VEGFD: variants seen among roughly 807,000 people sequenced by gnomAD.
VEGFD encodes the protein vascular endothelial growth factor D.
In VEGFD, 26 loss-of-function variants were observed where a neutral mutation model predicts 28.0. The observed-to-expected ratio is 0.93, with a 90% CI of 0.68 to 1.29. The LOEUF is 1.29. Ranked by LOEUF, VEGFD falls within the 50% of genes most tolerant of loss-of-function variation. VEGFD has a pLI of 0.00. For synonymous variants in VEGFD, 93 were observed against 95.5 expected (o/e 0.97, Z 0.15); for missense variants, 294 against 273.4 (o/e 1.08, Z -0.53).
intron 1 of VEGFD, among the ~76,000 whole-genome samples, chrX:15,379,197 C>T (rs1041802451): frequency 1.8e-5 from 2 of 112,030 alleles, no homozygotes; most frequent in African/African-American, 6.5e-5. Flanking sequence ...TGCCTCTACC[C>T]ATCACACTTG....
At chrX:15,373,578 T>C (rs752098662) in intron 1 of VEGFD, among the ~76,000 whole-genome samples, 8 of 111,321 alleles carry the variant, frequency 7.2e-5, no homozygotes, top group African/African-American at 2.6e-4. Context: ...AGCTTTAGGG[T>C]GAGTTATGGA....
At chrX:15,358,463 T>C (rs2147740195) in intron 2 of VEGFD, among the ~76,000 whole-genome samples, 1 of 112,090 alleles carries the variant, frequency 8.9e-6, no homozygotes, top group African/African-American at 3.2e-5. Context: ...CTGTACATAA[T>C]TACACTGAAT....
At chrX:15,378,679 A>G (rs535345968) in intron 1 of VEGFD, among the ~76,000 whole-genome samples, 6 of 111,948 alleles carry the variant, frequency 5.4e-5, no homozygotes, top group African/African-American at 1.9e-4. Flanking sequence ...CAGTGTAATA[A>G]TTTATATATA....
In VEGFD at chrX:15,346,294, A is replaced by G. The variant is rs747023800; in HGVS notation, c.939-35T>C. On this transcript the variant is annotated intron_variant, in intron 6 of 6. Transcript: ENST00000297904. ...AAGAAAATAAAGATGAGAATTCAGA[A>G]TCAATGACTGGATTCAAAAGAATAA... 3 of 1,184,001 alleles carry G rather than the reference A, an allele frequency of 2.5e-6. No individual in the cohort carries two copies. The African/African-American group carries it at 5.3e-5, about 21-fold the overall frequency.
chrX:15,381,059 G>A (rs1430996391), intron 1 of VEGFD, among the ~76,000 whole-genome samples: 1 of 112,244 alleles, frequency 8.9e-6, no homozygotes, highest in Non-Finnish European at 1.9e-5. Flanking sequence ...CAGCTAAATA[G>A]TATACACAGT....
chrX:15,346,032 A>G lies in VEGFD; in HGVS notation c.*101T>C. Reference sequence around the variant, plus strand: ...TGGATTCACTGTGGTGCTGTGTAAAATGGATTTTTTTTTTAACACCTGGGA... The same window carrying G: ...TGGATTCACTGTGGTGCTGTGTAAAGTGGATTTTTTTTTTAACACCTGGGA... On this transcript the variant is annotated 3_prime_UTR_variant, in exon 7 of 7. Transcript: ENST00000297904. 1 of 1,039,888 alleles carries G rather than the reference A, an allele frequency of 9.6e-7. No individual in the cohort carries two copies. The highest frequency in any genetic ancestry group is 1.3e-6 in the Non-Finnish European group (1 of 762,722). The allele number at this position is 1,039,888 out of a possible 1,213,427, so 85.7% of individuals were successfully genotyped here. A position where few individuals can be genotyped will look rare whatever the true frequency, so the allele number is the denominator to read the frequency against.
intron 1 of VEGFD, among the ~76,000 whole-genome samples, chrX:15,380,312 G>T (rs752876032): frequency 2.7e-5 from 3 of 112,540 alleles, no homozygotes; most frequent in South Asian, 7.5e-4. Flanking sequence ...TTGATTCACT[G>T]TAGAGACAAT....
At chrX:15,365,390 C>T (rs1309304137) in intron 1 of VEGFD, among the ~76,000 whole-genome samples, 1 of 112,080 alleles carries the variant, frequency 8.9e-6, no homozygotes, top group East Asian at 2.8e-4. Context: ...GCCTTGGCCG[C>T]CCAAAGTGTT....
At chrX:15,367,117 T>C (rs1923166719) in intron 1 of VEGFD, among the ~76,000 whole-genome samples, 1 of 109,308 alleles carries the variant, frequency 9.1e-6, no homozygotes, top group South Asian at 3.9e-4. Flanking sequence ...CCTAGAGGGG[T>C]TGTTTTGACA....
intron 2 of VEGFD, among the ~76,000 whole-genome samples, chrX:15,358,515 T>G (rs765731868): frequency 8.9e-6 from 1 of 111,880 alleles, no homozygotes; most frequent in South Asian, 3.7e-4. Flanking sequence ...AATAGAAGCG[T>G]GTAAAGAAAT....
chrX:15,370,720 T>G (rs1923285372), intron 1 of VEGFD, among the ~76,000 whole-genome samples: 1 of 112,027 alleles, frequency 8.9e-6, no homozygotes. Context: ...CTGGGGATCT[T>G]GTTAAAATGC....
At chrX:15,351,027 ATTTTTTTTTTTT>A (rs35997805) in intron 5 of VEGFD, among the ~76,000 whole-genome samples, 1,498 of 14,760 alleles carry the variant, frequency 0.1, 87 homozygotes, top group African/African-American at 0.26. Context: ...ATGCCCAGCT[ATTTTTTTTTTTT>A]TTTTTTTTTT....
chrX:15,368,158 GAAAGAAAGA>G (rs1178465045), intron 1 of VEGFD, among the ~76,000 whole-genome samples: 1 of 109,023 alleles, frequency 9.2e-6, no homozygotes, highest in East Asian at 2.9e-4. Context: ...GAAAGAGAAA[GAAAGAAAGA>G]AAAGAAAGGA....
rs1263174954 is a variant in VEGFD at position 15,353,101 on chromosome X, A to G, written c.709T>C (p.Leu237=). The G allele has an allele frequency of 1.7e-6, 2 of 1,188,030 alleles. No individual in the cohort carries two copies. Among genetic ancestry groups the G allele is most frequent in the Non-Finnish European group, 2.3e-6 (2 of 880,011 alleles). ...LWDSNKCKCV[L]QEENPLAGTE... ...CCAGCAAGTGGATTTTCCTCCTGCAAAACACATTTACATTTGTTGCTATCC... is the reference window on the plus strand; with the variant it reads ...CCAGCAAGTGGATTTTCCTCCTGCAGAACACATTTACATTTGTTGCTATCC... The change falls in exon 5 of 7, where the codon TTG becomes CTG. Residue 237 remains leucine, a synonymous_variant. Coordinates refer to ENST00000297904, the MANE Select transcript of VEGFD (RefSeq NM_004469.5).
At chrX:15,371,375 A>T (rs1288443739) in intron 1 of VEGFD, among the ~76,000 whole-genome samples, 1 of 112,306 alleles carries the variant, frequency 8.9e-6, no homozygotes, top group Non-Finnish European at 1.9e-5. Context: ...TTTTTCAAGA[A>T]TATAGCTGGC....
At chrX:15,382,977 C>A (rs139062429) in intron 1 of VEGFD, among the ~76,000 whole-genome samples, 1 of 111,359 alleles carries the variant, frequency 9.0e-6, no homozygotes, top group African/African-American at 3.3e-5. Flanking sequence ...TTTTTCATCC[C>A]TCCACGAACC....
At chrX:15,377,892 G>A (rs1377485940) in intron 1 of VEGFD, among the ~76,000 whole-genome samples, 1 of 111,753 alleles carries the variant, frequency 8.9e-6, no homozygotes, top group African/African-American at 3.3e-5. Flanking sequence ...TGTGGTATAA[G>A]CAATAAATAA....
intron 3 of VEGFD, 146 bp from the exon 4 acceptor site, chrX:15,355,444 T>G (rs1196874940): frequency 2.5e-6 from 1 of 407,505 alleles, no homozygotes; most frequent in African/African-American, 2.6e-5. Context: ...AACAGGCTCA[T>G]CTAACTTTAT....
Position 15,345,913 on chromosome X carries a change from C to T in VEGFD, c.*220G>A. On this transcript the variant is annotated 3_prime_UTR_variant, in exon 7 of 7. Transcript: ENST00000297904. ...ACAAAAGGATTACATGGGTCCCCTC[C>T]TCTCCATTCCTTGGTGCGCAGAGGC... The T allele has an allele frequency of 2.5e-6, 1 of 400,960 alleles. No homozygotes were observed. The highest frequency in any genetic ancestry group is 4.1e-5 in the East Asian group (1 of 24,139). 33.0% of individuals were successfully genotyped at this position (400,960 alleles called of 1,213,427 possible). A position where few individuals can be genotyped will look rare whatever the true frequency, so the allele number is the denominator to read the frequency against.
Sources: allele counts gnomAD v4.1 joint callset (sites outside exome capture counted in the v4.1 genomes callset), GRCh38; gene constraint gnomAD v4.1.1; transcripts MANE v1.5; gene names NCBI Gene and HGNC (gene_info 2026-07-23, HGNC 2026-07-21).